Variants in MEF2C observed in about 807,000 individuals in gnomAD.
The protein encoded by MEF2C is myocyte-specific enhancer factor 2C.
MEF2C carries 6 observed loss-of-function variants against 50.5 expected under a neutral mutation model. The observed-to-expected ratio is 0.12, with a 90% confidence interval of 0.07 to 0.23. The LOEUF is 0.23. Ranked by LOEUF, MEF2C falls within the 10% of genes least tolerant of loss-of-function variation. The pLI, the probability that MEF2C is intolerant of heterozygous loss-of-function variation, is 1.00. For synonymous variants in MEF2C, 183 were observed against 228.0 expected, an observed-to-expected ratio of 0.80 and a Z score of 1.78; for missense variants, 276 against 605.0, an observed-to-expected ratio of 0.46 and a Z score of 5.70.
At chr5:88,886,667 T>C (rs1046561536), upstream of MEF2C, among the ~76,000 whole-genome samples, 4 of 152,238 alleles carry the variant, frequency 2.6e-5, no homozygotes, top group Non-Finnish European at 4.4e-5. Context: ...GTACCAGCTT[T>C]TATTTTTTTC....
chr5:88,765,339 T>C (rs1032862466), intron 3 of MEF2C, among the ~76,000 whole-genome samples: 28 of 152,202 alleles, frequency 1.8e-4, no homozygotes, highest in African/African-American at 6.8e-4. Flanking sequence ...GTATAACACA[T>C]TTCTGCCAAG....
chr5:88,823,684 G>C, intron 2 of MEF2C, 51 bp downstream of exon 2: 1 of 1,483,812 alleles, frequency 6.7e-7, no homozygotes, highest in Non-Finnish European at 9.3e-7. Context: ...AACATATGTG[G>C]AGAAAATATA....
At chr5:88,775,846 T>C (rs1268987474) in intron 3 of MEF2C, 1 of 980,450 alleles carries the variant, frequency 1.0e-6, no homozygotes, top group Non-Finnish European at 1.2e-6. Flanking sequence ...TTTTTGTGTG[T>C]GTGATTTATA....
chr5:88,867,588 G>T (rs1827823330), intron 1 of MEF2C, among the ~76,000 whole-genome samples: 1 of 151,866 alleles, frequency 6.6e-6, no homozygotes, highest in South Asian at 2.1e-4. Flanking sequence ...TGTTAGCTGT[G>T]GTTTTTATTG....
chr5:88,838,325 T>C (rs1344299357), intron 1 of MEF2C, among the ~76,000 whole-genome samples: 1 of 152,078 alleles, frequency 6.6e-6, no homozygotes, highest in Non-Finnish European at 1.5e-5. Flanking sequence ...GTAAGTTAGA[T>C]ATTTGTCTTT....
At chr5:88,885,657 T>C (rs1833982375), upstream of MEF2C, among the ~76,000 whole-genome samples, 1 of 152,222 alleles carries the variant, frequency 6.6e-6, no homozygotes, top group African/African-American at 2.4e-5. Flanking sequence ...AATACTAAGA[T>C]ATGTCTATAT....
At position 88,717,775 on chromosome 5, in the gene MEF2C, T is replaced by G. The variant is rs1169316422; in HGVS notation, c.*4829A>C. ...TGGATATATTTGATAGTCTCTAAAA[T>G]GTATGAATTCACTAATTTATTCAGA... is the stretch of plus-strand genomic sequence containing the variant. On this transcript the variant is annotated 3_prime_UTR_variant, in exon 11 of 11. Transcript: ENST00000504921. The G allele has an allele frequency of 6.6e-6, 1 of 152,222 alleles. No homozygotes were observed. The highest frequency in any genetic ancestry group is 1.9e-4 in the East Asian group (1 of 5,202). The allele number at this position is 152,222 out of a possible 1,614,324, so 9.4% of individuals were successfully genotyped here. A position where few individuals can be genotyped will look rare whatever the true frequency, so the allele number is the denominator to read the frequency against.
At chr5:88,803,272 T>C (rs903242610) in intron 3 of MEF2C, among the ~76,000 whole-genome samples, 2 of 152,242 alleles carry the variant, frequency 1.3e-5, no homozygotes, top group African/African-American at 2.4e-5. Flanking sequence ...CATTCACTTT[T>C]GTTTCTCTGA....
At chr5:88,734,255 G>A in intron 6 of MEF2C, 2 of 985,336 alleles carry the variant, frequency 2.0e-6, no homozygotes, top group Non-Finnish European at 2.4e-6. Flanking sequence ...TGGACACACT[G>A]AAGACATATG....
intron 2 of MEF2C, among the ~76,000 whole-genome samples, chr5:88,808,514 C>T (rs560879397): frequency 2.0e-5 from 3 of 152,252 alleles, no homozygotes; most frequent in East Asian, 3.9e-4. Context: ...ATAATGAATA[C>T]TTATTTAATA....
intron 1 of MEF2C, among the ~76,000 whole-genome samples, chr5:88,869,296 C>CATATATATATATATAT (rs1561421061): frequency 3.4e-4 from 36 of 104,858 alleles, no homozygotes; most frequent in Non-Finnish European, 5.3e-4. Context: ...TATATATATA[C>CATATATATATATATAT]ACATATATAT....
At chr5:88,782,484 AC>A (rs1788613849) in intron 3 of MEF2C, among the ~76,000 whole-genome samples, 2 of 151,914 alleles carry the variant, frequency 1.3e-5, no homozygotes, top group Non-Finnish European at 2.9e-5. Flanking sequence ...AAAAATAAAA[AC>A]AAGCAAAACG....
chr5:88,896,384 T>G (rs1171202940), intron 1 of MEF2C, among the ~76,000 whole-genome samples: 1 of 152,178 alleles, frequency 6.6e-6, no homozygotes, highest in Non-Finnish European at 1.5e-5. Context: ...AATTAGTGAT[T>G]ATTTATCCAG....
At chr5:88,858,007 ACT>A (rs1195130114) in intron 1 of MEF2C, among the ~76,000 whole-genome samples, 7 of 152,080 alleles carry the variant, frequency 4.6e-5, no homozygotes, top group East Asian at 1.9e-4. Context: ...AACAACAAAA[ACT>A]CTGTGAATTA....
intron 1 of MEF2C, among the ~76,000 whole-genome samples, chr5:88,848,040 CGCTTACAACTAT>C (rs1369499662): frequency 2.6e-5 from 4 of 152,238 alleles, no homozygotes; most frequent in African/African-American, 9.6e-5. Context: ...TCATTCAGCA[CGCTTACAACTAT>C]GCTTACAACT....
At chr5:88,780,838 C>G in intron 3 of MEF2C, 4 of 985,348 alleles carry the variant, frequency 4.1e-6, no homozygotes, top group Non-Finnish European at 4.8e-6. Flanking sequence ...TCAACCTACC[C>G]CCTTCTCTTT....
chr5:88,831,448 A>C (rs1430451582), intron 1 of MEF2C, among the ~76,000 whole-genome samples: 1 of 151,584 alleles, frequency 6.6e-6, no homozygotes, highest in Non-Finnish European at 1.5e-5. Context: ...TATGTCCTTG[A>C]AAATAATTTG....
chr5:88,833,663 A>C (rs1813904423), intron 1 of MEF2C, among the ~76,000 whole-genome samples: 1 of 152,194 alleles, frequency 6.6e-6, no homozygotes, highest in Non-Finnish European at 1.5e-5. Flanking sequence ...AAAAGGCTTC[A>C]TAAAGATAAT....
In MEF2C at chr5:88,718,833, A is replaced by G. The variant is rs1254363006; in HGVS notation, c.*3771T>C. ...ATCTTTGGTTAAAACATATTAAGAA[A>G]AGCCTTTAATTACATCTGTAGTCTG... On this transcript the variant is annotated 3_prime_UTR_variant, in exon 11 of 11. Coordinates refer to ENST00000504921, the MANE Select transcript of MEF2C (RefSeq NM_002397.5). The G allele has an allele frequency of 6.6e-5, 10 of 152,238 alleles. No individual in the cohort carries two copies. The highest frequency in any genetic ancestry group is 1.5e-4 in the Non-Finnish European group (10 of 68,042). The allele number at this position is 152,238 out of a possible 1,614,324, so 9.4% of individuals were successfully genotyped here. A position where few individuals can be genotyped will look rare whatever the true frequency, so the allele number is the denominator to read the frequency against.
Sources: allele counts gnomAD v4.1 joint callset (sites outside exome capture counted in the v4.1 genomes callset), GRCh38; gene constraint gnomAD v4.1.1; transcripts MANE v1.5; gene names NCBI Gene and HGNC (gene_info 2026-07-23, HGNC 2026-07-21).